The following PPP2R5E variants were observed in gnomAD, a reference collection of about 807,000 sequenced individuals.
PPP2R5E encodes the protein protein phosphatase 2 regulatory subunit B'epsilon, also known as serine/threonine-protein phosphatase 2A 56 kDa regulatory subunit epsilon isoform.
Under a neutral mutation model 65.3 loss-of-function variants are expected in PPP2R5E, and 4 were observed. That is an observed-to-expected ratio of 0.06 (90% confidence interval 0.03 to 0.14). The LOEUF is 0.14. Ranked by LOEUF, PPP2R5E falls within the 10% of genes least tolerant of loss-of-function variation. PPP2R5E has a pLI of 1.00. For missense variants in PPP2R5E, 274 were observed against 556.1 expected, an observed-to-expected ratio of 0.49 and a Z score of 5.10; for synonymous variants, 183 against 187.4, an observed-to-expected ratio of 0.98 and a Z score of 0.19.
At chr14:63,415,386 A>C (rs1456843414) in intron 4 of PPP2R5E, among the ~76,000 whole-genome samples, 154 bp from the exon 5 acceptor site, 1 of 152,202 alleles carries the variant, frequency 6.6e-6, no homozygotes, top group Admixed American at 6.5e-5. Context: ...TGTGGCTCAC[A>C]GTTGCTGTTA....
At chr14:63,400,662 T>A (rs1885697684) in intron 5 of PPP2R5E, among the ~76,000 whole-genome samples, 1 of 113,400 alleles carries the variant, frequency 8.8e-6, no homozygotes, top group South Asian at 2.7e-4. Flanking sequence ...AGGAAAACAT[T>A]CTATCTAGGA....
At chr14:63,444,234 A>G (rs1888370554) in intron 3 of PPP2R5E, among the ~76,000 whole-genome samples, 2 of 152,174 alleles carry the variant, frequency 1.3e-5, no homozygotes, top group Non-Finnish European at 2.9e-5. Context: ...GTGGTTTGGG[A>G]ATTCCTTTGC....
chr14:63,432,984 A>G (rs901681547), intron 3 of PPP2R5E, among the ~76,000 whole-genome samples: 1 of 151,812 alleles, frequency 6.6e-6, no homozygotes, highest in African/African-American at 2.4e-5. Context: ...CAAACCTAAA[A>G]AGTCTTAACC....
chr14:63,463,300 C>A (rs1237394227), intron 2 of PPP2R5E, among the ~76,000 whole-genome samples: 1 of 151,066 alleles, frequency 6.6e-6, no homozygotes, highest in African/African-American at 2.4e-5. Context: ...CCACCACGCC[C>A]AGCTAATTTT....
chr14:63,502,244 C>A (rs1452704406), intron 2 of PPP2R5E, among the ~76,000 whole-genome samples: 1 of 152,056 alleles, frequency 6.6e-6, no homozygotes, highest in Non-Finnish European at 1.5e-5. Flanking sequence ...AAGCAGAGGG[C>A]ACCAGACTTA....
intron 2 of PPP2R5E, among the ~76,000 whole-genome samples, chr14:63,521,783 T>A (rs983737933): frequency 2.0e-5 from 3 of 152,128 alleles, no homozygotes; most frequent in Non-Finnish European, 2.9e-5. Flanking sequence ...CTTTAAAAAG[T>A]CCCCTGTTTC....
At chr14:63,501,404 CAAA>C (rs140023470) in intron 2 of PPP2R5E, among the ~76,000 whole-genome samples, 8 of 87,092 alleles carry the variant, frequency 9.2e-5, no homozygotes, top group African/African-American at 7.2e-5. Flanking sequence ...GACTCCGTCT[CAAA>C]AAAAAAAAAA....
chr14:63,488,392 A>G lies in PPP2R5E; in HGVS notation c.158-34507T>C, dbSNP rs187906405. 1.9e-3 allele frequency among the ~76,000 whole-genome samples: 296 copies of G among 152,160 alleles called. 3 individuals are homozygous for G. Among genetic ancestry groups the G allele is most frequent in the Admixed American group, 0.018 (277 of 15,280 alleles). On this transcript the variant is annotated intron_variant, in intron 2 of 13. Coordinates refer to ENST00000337537, the MANE Select transcript of PPP2R5E (RefSeq NM_006246.5). ...TTTGTTTTATTCTTTTTGTAGAGAC[A>G]GGGTCTTGCTATGTTGCCCAGACTA...
At chr14:63,439,058 A>G (rs1415912871) in intron 3 of PPP2R5E, among the ~76,000 whole-genome samples, 1 of 152,184 alleles carries the variant, frequency 6.6e-6, no homozygotes, top group African/African-American at 2.4e-5. Context: ...AAAGATATGG[A>G]AAGTCATCTG....
At chr14:63,442,729 G>C (rs1234088548) in intron 3 of PPP2R5E, among the ~76,000 whole-genome samples, 1 of 152,100 alleles carries the variant, frequency 6.6e-6, no homozygotes, top group Non-Finnish European at 1.5e-5. Context: ...TATATGTATA[G>C]GGGAAAACAT....
chr14:63,507,874 G>A (rs548371465), intron 2 of PPP2R5E, among the ~76,000 whole-genome samples: 3 of 151,872 alleles, frequency 2.0e-5, no homozygotes, highest in Non-Finnish European at 4.4e-5. Context: ...CACCGCAACC[G>A]GCCCCAGCAA....
At chr14:63,503,502 T>C (rs558802555) in intron 2 of PPP2R5E, among the ~76,000 whole-genome samples, 15 of 152,292 alleles carry the variant, frequency 9.8e-5, no homozygotes, top group Non-Finnish European at 1.8e-4. Context: ...ATTTCTCAGG[T>C]GATTCCTATG....
At chr14:63,482,808 T>A (rs1412663856) in intron 2 of PPP2R5E, among the ~76,000 whole-genome samples, 1 of 152,148 alleles carries the variant, frequency 6.6e-6, no homozygotes, top group Non-Finnish European at 1.5e-5. Flanking sequence ...TCATCATCAG[T>A]TTAATTTACC....
At chr14:63,523,527 C>T (rs1009400809) in intron 2 of PPP2R5E, among the ~76,000 whole-genome samples, 2 of 151,786 alleles carry the variant, frequency 1.3e-5, no homozygotes, top group African/African-American at 4.8e-5. Flanking sequence ...CGTTAAGAGT[C>T]ATCACCACTC....
intron 2 of PPP2R5E, among the ~76,000 whole-genome samples, chr14:63,529,808 T>C (rs1221355451): frequency 6.6e-6 from 1 of 152,218 alleles, no homozygotes; most frequent in Admixed American, 6.5e-5. Flanking sequence ...AGAACATTCA[T>C]TTGGCACTTC....
At chr14:63,447,463 CA>C in intron 3 of PPP2R5E, among the ~76,000 whole-genome samples, 1 of 152,244 alleles carries the variant, frequency 6.6e-6, no homozygotes, top group Non-Finnish European at 1.5e-5. Flanking sequence ...GCAGCTTCCT[CA>C]ACTCTCTCAG....
At chr14:63,420,717 T>C (rs983239184) in intron 4 of PPP2R5E, among the ~76,000 whole-genome samples, 2 of 152,194 alleles carry the variant, frequency 1.3e-5, no homozygotes, top group African/African-American at 4.8e-5. Flanking sequence ...AGAATATCTC[T>C]AGGCCTTCTC....
chr14:63,435,677 C>G (rs548324386), intron 3 of PPP2R5E, among the ~76,000 whole-genome samples: 1 of 152,316 alleles, frequency 6.6e-6, no homozygotes, highest in South Asian at 2.1e-4. Context: ...CTCATCCCTG[C>G]CTCTCTCCAC....
intron 3 of PPP2R5E, among the ~76,000 whole-genome samples, chr14:63,440,948 CA>C (rs374563795): frequency 1.2e-3 from 80 of 67,638 alleles, no homozygotes; most frequent in Admixed American, 2.0e-3. Context: ...GACTCCATCT[CA>C]AAAAAAAAAA....
Sources: allele counts gnomAD v4.1 joint callset (sites outside exome capture counted in the v4.1 genomes callset), GRCh38; gene constraint gnomAD v4.1.1; transcripts MANE v1.5; gene names NCBI Gene and HGNC (gene_info 2026-07-23, HGNC 2026-07-21).